The following GLIS3 variants were observed in gnomAD, a reference collection of about 807,000 sequenced individuals.
The protein encoded by GLIS3 is GLIS family zinc finger 3.
Under a neutral mutation model 78.6 loss-of-function variants are expected in GLIS3, and 53 were observed. That is an observed-to-expected ratio of 0.67 (90% CI 0.54 to 0.85). GLIS3 has a LOEUF of 0.85. Among genes scored for constraint, GLIS3 ranks in the 40% least tolerant of loss-of-function variants. The pLI is 0.00. For synonymous variants in GLIS3, 684 were observed against 509.9 expected, an observed-to-expected ratio of 1.34 and a Z score of -4.60; for missense variants, 1,703 against 1,231.1, an observed-to-expected ratio of 1.38 and a Z score of -5.74.
the GLIS3 span, among the ~76,000 whole-genome samples, chr9:4,458,916 C>A: frequency 3.9e-5 from 6 of 152,132 alleles, no homozygotes; most frequent in Non-Finnish European, 8.8e-5. Flanking sequence ...GACCACTGTG[C>A]TAGAGCAGAA....
intron 2 of GLIS3, among the ~76,000 whole-genome samples, chr9:4,231,630 G>T (rs576002839): frequency 6.6e-6 from 1 of 152,232 alleles, no homozygotes; most frequent in African/African-American, 2.4e-5. Flanking sequence ...TAGATGCTTA[G>T]GAAACGTCTT....
rs74864916 is a variant in GLIS3, at chr9:4,119,300, G to A, written c.597-419C>T. 9.2e-3 allele frequency among the ~76,000 whole-genome samples: 1,402 copies of A among 152,234 alleles called. 11 individuals are homozygous for A. The highest frequency in any genetic ancestry group is 0.017 in the Middle Eastern group (5 of 294). ...TACTATGTGCAGCATGTTATGACAG[G>A]CTTTGCAGAATCTCAGCCTTCAAGT... On this transcript the variant is annotated intron_variant, in intron 3 of 10. Coordinates refer to ENST00000381971, the MANE Select transcript of GLIS3 (RefSeq NM_001042413.2).
chr9:4,359,103 A>G, the GLIS3 span, among the ~76,000 whole-genome samples: 1 of 152,158 alleles, frequency 6.6e-6, no homozygotes. Context: ...ATCCAGGTTT[A>G]CTACTCTCCT....
intron 6 of GLIS3, among the ~76,000 whole-genome samples, chr9:3,927,348 A>G (rs1825324468): frequency 6.6e-6 from 1 of 152,230 alleles, no homozygotes; most frequent in Non-Finnish European, 1.5e-5. Flanking sequence ...ATTTTGAGCA[A>G]CGCCTAATGT....
chr9:4,312,907 A>T (rs1453757436), intron 2 of GLIS3, among the ~76,000 whole-genome samples: 4 of 152,242 alleles, frequency 2.6e-5, no homozygotes, highest in Non-Finnish European at 5.9e-5. Flanking sequence ...TAATCCTCAC[A>T]GTAACACTAC....
intron 2 of GLIS3, among the ~76,000 whole-genome samples, chr9:4,129,313 C>T (rs576787922): frequency 6.6e-6 from 1 of 152,280 alleles, no homozygotes; most frequent in South Asian, 2.1e-4. Flanking sequence ...TATGTCTTCT[C>T]ATCTGCCAAA....
intron 4 of GLIS3, among the ~76,000 whole-genome samples, chr9:4,007,148 A>C (rs1235997776): frequency 6.6e-6 from 1 of 152,208 alleles, no homozygotes; most frequent in Non-Finnish European, 1.5e-5. Context: ...CTGCACATCC[A>C]AACACCCAAC....
upstream of GLIS3, among the ~76,000 whole-genome samples, chr9:4,302,204 C>G (rs1490429399): frequency 6.6e-6 from 1 of 152,116 alleles, no homozygotes; most frequent in Non-Finnish European, 1.5e-5. Context: ...CAAAATGATA[C>G]TCTCCCTTAC....
the GLIS3 span, among the ~76,000 whole-genome samples, chr9:4,474,280 C>T: frequency 6.6e-6 from 1 of 152,112 alleles, no homozygotes; most frequent in South Asian, 2.1e-4. Flanking sequence ...TCAAGGTGGG[C>T]AGATTGCTTG....
chr9:4,479,777 C>T, the GLIS3 span, among the ~76,000 whole-genome samples: 3 of 152,034 alleles, frequency 2.0e-5, no homozygotes, highest in Admixed American at 1.3e-4. Flanking sequence ...AGAGCTGCTA[C>T]CCTCCTTTTT....
At chr9:4,278,524 T>A (rs1436086013) in intron 2 of GLIS3, among the ~76,000 whole-genome samples, 1 of 152,126 alleles carries the variant, frequency 6.6e-6, no homozygotes, top group African/African-American at 2.4e-5. Context: ...GGTAATGAAT[T>A]CTAACAGAAT....
At chr9:3,943,376 T>A (rs189361193) in intron 4 of GLIS3, among the ~76,000 whole-genome samples, 1 of 152,352 alleles carries the variant, frequency 6.6e-6, no homozygotes, top group East Asian at 1.9e-4. Context: ...ACAGAGAACA[T>A]GTCTCTATAT....
chr9:3,949,685 C>T (rs1338404090), intron 4 of GLIS3, among the ~76,000 whole-genome samples: 1 of 152,204 alleles, frequency 6.6e-6, no homozygotes, highest in African/African-American at 2.4e-5. Context: ...CATAATCTAA[C>T]AGGTGCCTAA....
chr9:4,232,214 C>T (rs1317692733), intron 2 of GLIS3, among the ~76,000 whole-genome samples: 3 of 151,734 alleles, frequency 2.0e-5, no homozygotes, highest in African/African-American at 7.3e-5. Context: ...TCTGTCTCTA[C>T]AGAAAAATTT....
intron 5 of GLIS3, among the ~76,000 whole-genome samples, chr9:3,935,894 G>A (rs772454871): frequency 1.3e-5 from 2 of 152,066 alleles, no homozygotes; most frequent in South Asian, 2.1e-4. Context: ...GCAAACCATC[G>A]CATTTATGCA....
intron 2 of GLIS3, among the ~76,000 whole-genome samples, chr9:4,255,721 G>A (rs1479259129): frequency 1.3e-5 from 2 of 152,096 alleles, no homozygotes; most frequent in African/African-American, 4.8e-5. Context: ...AGGGAGGGAT[G>A]AATAGGCAGG....
intron 4 of GLIS3, among the ~76,000 whole-genome samples, chr9:3,959,970 G>A (rs368131419): frequency 6.6e-6 from 1 of 152,162 alleles, no homozygotes; most frequent in Non-Finnish European, 1.5e-5. Flanking sequence ...TGGCCAACAT[G>A]GTGAAACCTC....
chr9:4,239,341 G>A (rs1265137802), intron 2 of GLIS3, among the ~76,000 whole-genome samples: 2 of 150,798 alleles, frequency 1.3e-5, no homozygotes, highest in Non-Finnish European at 3.0e-5. Flanking sequence ...CAAAAAAAAT[G>A]TTCTCTTAAC....
At chr9:4,407,565 A>G in the GLIS3 span, among the ~76,000 whole-genome samples, 5 of 152,136 alleles carry the variant, frequency 3.3e-5, no homozygotes, top group Non-Finnish European at 7.4e-5. Context: ...GAGAATGGCG[A>G]GAACCCGGGA....
Sources: gnomAD v4.1 joint callset for allele counts (sites outside exome capture counted in the v4.1 genomes callset) on GRCh38, gnomAD v4.1.1 for gene constraint, MANE v1.5 for transcripts, NCBI Gene and HGNC (gene_info 2026-07-23, HGNC 2026-07-21) for gene names.